The following CHST9 variants were observed in gnomAD, a reference collection of about 807,000 sequenced individuals.
CHST9 encodes the protein GalNAc-4-sulfotransferase 2.
Under a neutral mutation model 44.4 loss-of-function variants are expected in CHST9, and 41 were observed. The ratio of observed to expected loss-of-function variants is 0.92; its 90% CI spans 0.72 to 1.20. The LOEUF (loss-of-function observed/expected upper bound fraction) is 1.20, where lower values mean the gene tolerates loss of function less well. Among genes scored for constraint, CHST9 ranks in the 50% most tolerant of loss-of-function variants. The probability of loss-of-function intolerance (pLI) is 0.00; values close to 1 mark genes in which losing one functional copy is unlikely to be tolerated. For missense variants in CHST9, 504 were observed against 516.5 expected, an observed-to-expected ratio of 0.98 and a Z score of 0.23; for synonymous variants, 171 against 178.4, an observed-to-expected ratio of 0.96 and a Z score of 0.33.
At chr18:27,135,247 G>C (rs1385841523) in intron 2 of CHST9, among the ~76,000 whole-genome samples, 2 of 152,168 alleles carry the variant, frequency 1.3e-5, no homozygotes, top group East Asian at 3.8e-4. Flanking sequence ...AAGCAGTAGT[G>C]AACCGTTTCA....
chr18:27,088,733 C>T lies in CHST9; in HGVS notation c.122-40230G>A, dbSNP rs2058037546. ...AATGCCTGTGTGCTGGGAAACTTCC[C>T]TTAGGGATAGACAAGGACTATCTAC... On this transcript the variant is annotated intron_variant, in intron 2 of 5. Transcript: ENST00000618847. 2.0e-5 allele frequency among the ~76,000 whole-genome samples: 3 copies of T among 152,054 alleles called. No homozygotes were observed. The South Asian group carries it at 6.2e-4, about 32-fold the overall frequency.
chr18:27,076,830 G>C (rs1200913810), intron 2 of CHST9, among the ~76,000 whole-genome samples: 1 of 152,188 alleles, frequency 6.6e-6, no homozygotes, highest in Non-Finnish European at 1.5e-5. Flanking sequence ...ATCTGCACAT[G>C]ATGGGAAAAG....
intron 3 of CHST9, 106 bp downstream of exon 3, chr18:27,048,359 T>G: frequency 2.4e-6 from 2 of 842,672 alleles, no homozygotes; most frequent in East Asian, 5.5e-5. Flanking sequence ...TCAAAAACCA[T>G]AAACTATTAA....
chr18:27,103,313 C>T (rs899526440), intron 2 of CHST9, among the ~76,000 whole-genome samples: 20 of 152,164 alleles, frequency 1.3e-4, no homozygotes, highest in Non-Finnish European at 2.2e-4. Flanking sequence ...AGTCCTGACT[C>T]CCCTTGTTAA....
intron 3 of CHST9, among the ~76,000 whole-genome samples, chr18:27,036,818 T>G (rs1251747460): frequency 6.6e-6 from 1 of 152,174 alleles, no homozygotes; most frequent in Non-Finnish European, 1.5e-5. Context: ...AGAACTGCCC[T>G]TTTAACAGAT....
At chr18:27,157,214 A>G (rs2058704357) in intron 1 of CHST9, among the ~76,000 whole-genome samples, 2 of 152,010 alleles carry the variant, frequency 1.3e-5, no homozygotes, top group Non-Finnish European at 2.9e-5. Context: ...CCTTCATCAT[A>G]TATTATCTAG....
chr18:27,088,972 T>G (rs980492999), intron 2 of CHST9, among the ~76,000 whole-genome samples: 1 of 152,174 alleles, frequency 6.6e-6, no homozygotes, highest in Admixed American at 6.5e-5. Context: ...CTTCAGTCAC[T>G]GATCAAAAAT....
intron 4 of CHST9, among the ~76,000 whole-genome samples, chr18:27,020,241 G>A (rs1370804513): frequency 6.6e-6 from 1 of 152,246 alleles, no homozygotes; most frequent in East Asian, 1.9e-4. Context: ...CTGCACTTCA[G>A]TGTGGTTCAT....
intron 2 of CHST9, among the ~76,000 whole-genome samples, chr18:27,088,669 G>A (rs1276566694): frequency 6.6e-6 from 1 of 152,140 alleles, no homozygotes; most frequent in East Asian, 1.9e-4. Context: ...TGGGATTATA[G>A]GTGTGAGCCA....
At position 27,124,681 on chromosome 18, in the gene CHST9, C is replaced by T. The variant is rs147467233; in HGVS notation, c.121+18008G>A. ...GTTGCAGTTATAACTTTTCCCTTAG[C>T]TTTAGTTTATTGGACACACCTTTGA... On this transcript the variant is annotated intron_variant, in intron 2 of 5. Coordinates refer to ENST00000618847, the MANE Select transcript of CHST9 (RefSeq NM_031422.6). 5.6e-4 allele frequency among the ~76,000 whole-genome samples: 86 copies of T among 152,294 alleles called. 1 individual carries two copies. The highest frequency in any genetic ancestry group is 4.1e-3 in the Admixed American group (62 of 15,298).
At chr18:27,053,167 GAA>G in intron 2 of CHST9, among the ~76,000 whole-genome samples, 1 of 146,538 alleles carries the variant, frequency 6.8e-6, no homozygotes. Context: ...AGAAGAAGAA[GAA>G]GAAGAAGAAG....
intron 1 of CHST9, among the ~76,000 whole-genome samples, chr18:27,149,599 C>CTTT (rs60489244): frequency 4.3e-4 from 62 of 142,932 alleles, no homozygotes; most frequent in Non-Finnish European, 5.9e-4. Context: ...CTATTTTCAG[C>CTTT]TTTTTTTTTT....
chr18:27,059,240 C>T (rs2057693181), intron 2 of CHST9, among the ~76,000 whole-genome samples: 1 of 152,132 alleles, frequency 6.6e-6, no homozygotes. Context: ...AACTTGTAAA[C>T]CATCAATTGG....
intron 4 of CHST9, among the ~76,000 whole-genome samples, chr18:26,987,275 G>A (rs1175739): frequency 0.34 from 52,235 of 152,064 alleles, 9,644 homozygotes; most frequent in East Asian, 0.47. Flanking sequence ...CTCTTTGCAC[G>A]TGTCTGCTTC....
chr18:27,010,972 C>T (rs920283830), intron 4 of CHST9, among the ~76,000 whole-genome samples: 3 of 152,146 alleles, frequency 2.0e-5, no homozygotes, highest in African/African-American at 7.2e-5. Context: ...AGTGACAGGT[C>T]TGCTGAGGCC....
intron 3 of CHST9, among the ~76,000 whole-genome samples, chr18:27,046,120 T>A (rs1230934003): frequency 1.7e-5 from 2 of 116,264 alleles, no homozygotes; most frequent in African/African-American, 6.7e-5. Context: ...ATGAATCTCT[T>A]GTCAACATTC....
chr18:27,159,272 A>T (rs1304013703), intron 1 of CHST9, among the ~76,000 whole-genome samples: 1 of 152,130 alleles, frequency 6.6e-6, no homozygotes, highest in Non-Finnish European at 1.5e-5. Context: ...ATCCATCTTG[A>T]ATTAATTTTT....
At chr18:27,060,486 G>A (rs907227131) in intron 2 of CHST9, among the ~76,000 whole-genome samples, 19 of 152,204 alleles carry the variant, frequency 1.2e-4, no homozygotes, top group Non-Finnish European at 2.5e-4. Context: ...TCCAGGGAGT[G>A]GGTGCGGGTG....
At chr18:27,050,842 A>G (rs1433430455) in intron 2 of CHST9, among the ~76,000 whole-genome samples, 1 of 152,208 alleles carries the variant, frequency 6.6e-6, no homozygotes, top group African/African-American at 2.4e-5. Flanking sequence ...ATTTTAAAAA[A>G]TGGTATTCAA....
Sources: allele counts gnomAD v4.1 joint callset (sites outside exome capture counted in the v4.1 genomes callset), GRCh38; gene constraint gnomAD v4.1.1; transcripts MANE v1.5; gene names NCBI Gene and HGNC (gene_info 2026-07-23, HGNC 2026-07-21).